ROBO2: variants seen among roughly 807,000 people sequenced by gnomAD.
The protein encoded by ROBO2 is roundabout guidance receptor 2.
In ROBO2, 53 loss-of-function variants were observed where a neutral mutation model predicts 160.8. That is an observed-to-expected ratio of 0.33 (90% confidence interval 0.26 to 0.41). The LOEUF (loss-of-function observed/expected upper bound fraction) is 0.41, where lower values mean the gene tolerates loss of function less well. Among genes scored for constraint, ROBO2 ranks in the 10% least tolerant of loss-of-function variants. The pLI, the probability that ROBO2 is intolerant of heterozygous loss-of-function variation, is 1.00. For missense variants in ROBO2, 1,577 were observed against 1,722.4 expected (o/e 0.92, Z 1.49); for synonymous variants, 664 against 611.7 (o/e 1.09, Z -1.26).
chr3:77,193,463 A>G (rs55894936), intron 2 of ROBO2, among the ~76,000 whole-genome samples: 27,668 of 145,298 alleles, frequency 0.19, 3,083 homozygotes, highest in Middle Eastern at 0.3. Flanking sequence ...TTTTTTTTTT[A>G]AAGACAGGGT....
At chr3:77,261,172 T>G (rs2058749091) in intron 2 of ROBO2, among the ~76,000 whole-genome samples, 1 of 152,128 alleles carries the variant, frequency 6.6e-6, no homozygotes, top group Non-Finnish European at 1.5e-5. Flanking sequence ...AGAAATGAGG[T>G]GCTTAGTGTT....
intron 2 of ROBO2, among the ~76,000 whole-genome samples, chr3:76,322,750 C>G (rs1468924933): frequency 1.3e-5 from 2 of 152,100 alleles, no homozygotes; most frequent in African/African-American, 4.8e-5. Context: ...ACAAAGTACA[C>G]CAAGAAGATG....
chr3:76,718,329 C>T (rs1216787804), intron 2 of ROBO2, among the ~76,000 whole-genome samples: 1 of 152,156 alleles, frequency 6.6e-6, no homozygotes, highest in Non-Finnish European at 1.5e-5. Context: ...GATAATAAAC[C>T]AGGATTCCTA....
intron 8 of ROBO2, among the ~76,000 whole-genome samples, chr3:77,553,257 C>T (rs1468568495): frequency 6.6e-6 from 1 of 151,924 alleles, no homozygotes; most frequent in Non-Finnish European, 1.5e-5. Context: ...GTATCACAAA[C>T]TGCACCCATA....
rs2089613248 is a variant in ROBO2, at chr3:77,513,172, A to C, written c.807-9603A>C. ...GATAAAATTCCAGTTGGTAATAAAA[A>C]TTTTAATTTATATTTCTTAATTTTT... On this transcript the variant is annotated intron_variant, in intron 5 of 25. Transcript: ENST00000461745. Among the ~76,000 whole-genome samples the C allele has an allele frequency of 2.0e-5, 3 of 151,826 alleles. No individual in the cohort carries two copies. In the South Asian group the frequency reaches 6.2e-4, roughly 31 times the overall value.
At chr3:77,459,519 C>A (rs2082017816) in intron 2 of ROBO2, among the ~76,000 whole-genome samples, 1 of 152,152 alleles carries the variant, frequency 6.6e-6, no homozygotes, top group Non-Finnish European at 1.5e-5. Context: ...CTTTGTGGAG[C>A]TAGCTTACAT....
intron 1 of ROBO2, among the ~76,000 whole-genome samples, chr3:77,048,152 TGC>T: frequency 6.6e-6 from 1 of 152,250 alleles, no homozygotes; most frequent in Non-Finnish European, 1.5e-5. Flanking sequence ...TATTATTCCC[TGC>T]CTAGTATGAA....
At chr3:76,251,127 A>C (rs908269750) in intron 2 of ROBO2, among the ~76,000 whole-genome samples, 1 of 151,998 alleles carries the variant, frequency 6.6e-6, no homozygotes, top group Admixed American at 6.6e-5. Flanking sequence ...CTTTTGATTA[A>C]GTTGCTGAGG....
At chr3:76,230,051 ACAAT>A (rs1433827585) in intron 2 of ROBO2, among the ~76,000 whole-genome samples, 1 of 152,154 alleles carries the variant, frequency 6.6e-6, no homozygotes, top group Admixed American at 6.6e-5. Flanking sequence ...TCTTTAGCAA[ACAAT>A]CAAGCCTTTT....
intron 2 of ROBO2, among the ~76,000 whole-genome samples, chr3:76,934,665 C>T (rs1238622191): frequency 5.9e-5 from 9 of 152,002 alleles, no homozygotes; most frequent in Admixed American, 2.6e-4. Flanking sequence ...CCCTTGAACC[C>T]GGGAGGCGGA....
intron 2 of ROBO2, among the ~76,000 whole-genome samples, chr3:76,890,431 T>A (rs1164829974): frequency 1.3e-5 from 2 of 152,110 alleles, no homozygotes; most frequent in African/African-American, 4.8e-5. Context: ...ACCACTAGCA[T>A]AAGTAGTTTC....
At chr3:75,924,509 C>A (rs1003753694) in intron 1 of ROBO2, among the ~76,000 whole-genome samples, 1 of 151,916 alleles carries the variant, frequency 6.6e-6, no homozygotes, top group Non-Finnish European at 1.5e-5. Flanking sequence ...CCATTTTGGA[C>A]TTCTGACCCC....
chr3:77,406,934 C>T (rs942625036), intron 2 of ROBO2, among the ~76,000 whole-genome samples: 3 of 152,116 alleles, frequency 2.0e-5, no homozygotes, highest in Non-Finnish European at 4.4e-5. Flanking sequence ...TCAGGTTGCA[C>T]TAATGAGATT....
chr3:76,897,389 T>G (rs1024078534), intron 2 of ROBO2, among the ~76,000 whole-genome samples: 7 of 152,080 alleles, frequency 4.6e-5, no homozygotes, highest in Non-Finnish European at 7.4e-5. Flanking sequence ...GCCTGGAAAT[T>G]CTATCCATGA....
chr3:77,209,074 A>C (rs1477913338), intron 2 of ROBO2, among the ~76,000 whole-genome samples: 1 of 152,310 alleles, frequency 6.6e-6, no homozygotes, highest in African/African-American at 2.4e-5. Flanking sequence ...AGCAGGCACG[A>C]TCTTCTAAAG....
At chr3:76,460,285 C>CG (rs2078013874) in intron 2 of ROBO2, among the ~76,000 whole-genome samples, 1 of 151,492 alleles carries the variant, frequency 6.6e-6, no homozygotes, top group Admixed American at 6.6e-5. Context: ...TATTAGAAAA[C>CG]ATATCAAGGT....
intron 2 of ROBO2, among the ~76,000 whole-genome samples, chr3:76,662,457 C>A (rs1459540969): frequency 3.3e-5 from 5 of 151,944 alleles, no homozygotes; most frequent in African/African-American, 1.2e-4. Flanking sequence ...AAACACCTAA[C>A]TCTGGAGGCA....
intron 2 of ROBO2, among the ~76,000 whole-genome samples, chr3:76,027,477 C>A (rs976370965): frequency 1.3e-5 from 2 of 151,884 alleles, no homozygotes; most frequent in Middle Eastern, 3.4e-3. Flanking sequence ...GGGCTTATGA[C>A]CCTCTTTCCT....
intron 2 of ROBO2, among the ~76,000 whole-genome samples, chr3:76,102,288 T>A (rs1166186383): frequency 6.6e-6 from 1 of 152,220 alleles, no homozygotes; most frequent in Non-Finnish European, 1.5e-5. Flanking sequence ...TTTTGAAGGA[T>A]AACATTTGGA....
Sources: gnomAD v4.1 joint callset for allele counts (sites outside exome capture counted in the v4.1 genomes callset) on GRCh38, gnomAD v4.1.1 for gene constraint, MANE v1.5 for transcripts, NCBI Gene and HGNC (gene_info 2026-07-23, HGNC 2026-07-21) for gene names.